Variants in ZCWPW2 observed in about 807,000 individuals in gnomAD.
The protein encoded by ZCWPW2 is zinc finger CW-type and PWWP domain containing 2.
Under a neutral mutation model 46.6 loss-of-function variants are expected in ZCWPW2, and 45 were observed. The ratio of observed to expected loss-of-function variants is 0.96; its 90% CI spans 0.76 to 1.24. ZCWPW2 has a LOEUF of 1.24. ZCWPW2 is among the 50% of genes most tolerant of loss of function. ZCWPW2 has a pLI of 0.00. For synonymous variants in ZCWPW2, 152 were observed against 137.1 expected (o/e 1.11, Z -0.76); for missense variants, 429 against 403.9 (o/e 1.06, Z -0.53).
chr3:28,349,586 C>T (rs1027745428), intron 1 of ZCWPW2, among the ~76,000 whole-genome samples: 1 of 152,110 alleles, frequency 6.6e-6, no homozygotes, highest in African/African-American at 2.4e-5. Flanking sequence ...GCCCGGCTTC[C>T]CTGGAGTTGC....
chr3:28,389,040 C>T (rs1421639720), intron 1 of ZCWPW2, among the ~76,000 whole-genome samples: 3 of 152,154 alleles, frequency 2.0e-5, no homozygotes, highest in African/African-American at 7.2e-5. Context: ...CAATAAGGAG[C>T]CCCTCAGCCT....
At chr3:28,409,141 T>G (rs78333567) in intron 2 of ZCWPW2, among the ~76,000 whole-genome samples, 1 of 147,810 alleles carries the variant, frequency 6.8e-6, no homozygotes, top group Non-Finnish European at 1.5e-5. Context: ...TTTTTTTTTT[T>G]TTTGAGTCTC....
At chr3:28,511,151 A>G (rs1437607092) in intron 6 of ZCWPW2, 2 of 436,168 alleles carry the variant, frequency 4.6e-6, no homozygotes, top group Non-Finnish European at 9.3e-6. Flanking sequence ...AATCTGGAAG[A>G]TGAATTGAAT....
rs953509103 is a variant in ZCWPW2 at position 28,525,742 on chromosome 3, A to C, written c.*1054A>C. On this transcript the variant is annotated 3_prime_UTR_variant, in exon 10 of 10. Coordinates refer to ENST00000383768, the MANE Select transcript of ZCWPW2 (RefSeq NM_001040432.4). ...CTTCTTTTAAGTATTTTTAGATTCT[A>C]TGATAATTACGTAGAGTGGAGAGTG... 6.6e-6 allele frequency among the ~76,000 whole-genome samples: 1 copy of C among 152,214 alleles called. No homozygotes were observed. Among genetic ancestry groups the C allele is most frequent in the Admixed American group, 6.5e-5 (1 of 15,274 alleles).
At chr3:28,420,836 C>T (rs1468798303) in intron 3 of ZCWPW2, among the ~76,000 whole-genome samples, 2 of 151,662 alleles carry the variant, frequency 1.3e-5, no homozygotes, top group Admixed American at 6.6e-5. Context: ...TTTTTCAGTT[C>T]ATTTTCTCTC....
intron 1 of ZCWPW2, among the ~76,000 whole-genome samples, chr3:28,352,854 A>AT (rs1042990668): frequency 1.8e-4 from 27 of 152,040 alleles, no homozygotes; most frequent in African/African-American, 5.5e-4. Flanking sequence ...GGTCCTGTCC[A>AT]TTTTTTTTAT....
At chr3:28,478,706 C>T (rs1982560) in intron 4 of ZCWPW2, 108 bp from the exon 5 acceptor site, 199,409 of 484,874 alleles carry the variant, frequency 0.41, 41,964 homozygotes, top group East Asian at 0.58. Context: ...CTAAGAAATA[C>T]GTTATACAAT....
intron 1 of ZCWPW2, among the ~76,000 whole-genome samples, chr3:28,389,900 A>G (rs1695418723): frequency 6.6e-6 from 1 of 152,158 alleles, no homozygotes; most frequent in Admixed American, 6.6e-5. Flanking sequence ...TAAGGCCTTC[A>G]ACCGACTGAA....
At chr3:28,401,207 G>T (rs898810996) in intron 2 of ZCWPW2, among the ~76,000 whole-genome samples, 2 of 151,288 alleles carry the variant, frequency 1.3e-5, no homozygotes, top group Non-Finnish European at 3.0e-5. Context: ...AAGACAAAAA[G>T]AAACAAAAAA....
rs143200616 is a variant in ZCWPW2, at chr3:28,436,423, T to C, written c.492+1154T>C. Among the ~76,000 whole-genome samples the C allele has an allele frequency of 5.5e-3, 785 of 143,476 alleles. 9 individuals are homozygous for C. The highest frequency in any genetic ancestry group is 0.019 in the African/African-American group (748 of 39,046). The allele number at this position is 143,476 out of a possible 152,430, so 94.1% of individuals were successfully genotyped here. On this transcript the variant is annotated intron_variant, in intron 4 of 9. Transcript: ENST00000383768. ...AGTAGTTAAGTCTACAAGCAGACAC[T>C]ACTGTGCCCAGCTGGATGTTTTTTG... is the stretch of plus-strand genomic sequence containing the variant.
chr3:28,443,045 T>C (rs1697833124), intron 4 of ZCWPW2, among the ~76,000 whole-genome samples: 1 of 152,180 alleles, frequency 6.6e-6, no homozygotes, highest in Admixed American at 6.6e-5. Flanking sequence ...AATTATGCAT[T>C]CTGGCACTGG....
At chr3:28,371,832 G>A (rs7650742) in intron 1 of ZCWPW2, among the ~76,000 whole-genome samples, 92,565 of 151,966 alleles carry the variant, frequency 0.61, 29,186 homozygotes, top group African/African-American at 0.76. Context: ...CCAGGCCTAG[G>A]GGAAAAGAGG....
At chr3:28,495,864 T>A (rs1699976804) in intron 6 of ZCWPW2, among the ~76,000 whole-genome samples, 1 of 151,990 alleles carries the variant, frequency 6.6e-6, no homozygotes, top group South Asian at 2.1e-4. Context: ...ACAAGGTGTT[T>A]TACTAGGCAA....
intron 2 of ZCWPW2, among the ~76,000 whole-genome samples, chr3:28,401,692 AC>A (rs1251891674): frequency 1.3e-5 from 2 of 152,140 alleles, no homozygotes; most frequent in African/African-American, 4.8e-5. Context: ...AGGCCACAAA[AC>A]AACCCTCAAT....
intron 5 of ZCWPW2, among the ~76,000 whole-genome samples, chr3:28,483,824 T>C (rs1699508683): frequency 6.6e-6 from 1 of 152,204 alleles, no homozygotes; most frequent in African/African-American, 2.4e-5. Context: ...TTTTTGGATA[T>C]TAACCTTGTA....
intron 1 of ZCWPW2, among the ~76,000 whole-genome samples, chr3:28,369,672 T>C (rs1705243108): frequency 6.6e-6 from 1 of 152,146 alleles, no homozygotes; most frequent in South Asian, 2.1e-4. Flanking sequence ...GAACCACTAC[T>C]CTCTTCAAAG....
chr3:28,360,349 C>CAAAAAAAAAA (rs71087692), intron 1 of ZCWPW2, among the ~76,000 whole-genome samples: 157 of 53,862 alleles, frequency 2.9e-3, no homozygotes, highest in African/African-American at 4.9e-3. Context: ...ACTAAAAATA[C>CAAAAAAAAAA]AAAAAAAAAA....
At chr3:28,437,656 C>CT (rs150667884) in intron 4 of ZCWPW2, among the ~76,000 whole-genome samples, 1,605 of 152,230 alleles carry the variant, frequency 0.011, 40 homozygotes, top group African/African-American at 0.037. Flanking sequence ...ATAAATGGAA[C>CT]TATTCATTGA....
chr3:28,456,769 A>C lies in ZCWPW2; in HGVS notation c.492+21500A>C, dbSNP rs563212013. 3.0e-4 allele frequency among the ~76,000 whole-genome samples: 45 copies of C among 152,318 alleles called. No homozygotes were observed. The South Asian group carries it at 9.3e-3, about 32-fold the overall frequency. On this transcript the variant is annotated intron_variant, in intron 4 of 9. Coordinates refer to ENST00000383768, the MANE Select transcript of ZCWPW2 (RefSeq NM_001040432.4). ...TTTAGTTCTGTTTATGTGATTCATC[A>C]CATTTATTGATTTGCATATGTTGAA...
Sources: allele counts gnomAD v4.1 joint callset (sites outside exome capture counted in the v4.1 genomes callset), GRCh38; gene constraint gnomAD v4.1.1; transcripts MANE v1.5; gene names NCBI Gene and HGNC (gene_info 2026-07-23, HGNC 2026-07-21).